The following GPC5 variants were observed in gnomAD, a reference collection of about 807,000 sequenced individuals.
The protein encoded by GPC5 is glypican-5.
In GPC5, 47 loss-of-function variants were observed where a neutral mutation model predicts 53.9. The ratio of observed to expected loss-of-function variants is 0.87; its 90% confidence interval spans 0.69 to 1.11. The LOEUF (loss-of-function observed/expected upper bound fraction) is 1.11, where lower values mean the gene tolerates loss of function less well. Among genes scored for constraint, GPC5 ranks in the 50% most tolerant of loss-of-function variants. The pLI is 0.00. For synonymous variants in GPC5, 286 were observed against 263.3 expected (o/e 1.09, Z -0.84); for missense variants, 748 against 713.1 (o/e 1.05, Z -0.56).
intron 4 of GPC5, among the ~76,000 whole-genome samples, chr13:91,731,019 T>A (rs1213499682): frequency 6.6e-6 from 1 of 152,232 alleles, no homozygotes; most frequent in Non-Finnish European, 1.5e-5. Flanking sequence ...CAGCATTATG[T>A]CCCACAGGAT....
At chr13:92,162,262 C>G (rs1255360822) in intron 7 of GPC5, among the ~76,000 whole-genome samples, 2 of 151,876 alleles carry the variant, frequency 1.3e-5, no homozygotes, top group Non-Finnish European at 2.9e-5. Flanking sequence ...TTGAAATGCC[C>G]CTTATCTCCA....
chr13:92,353,266 C>CAAAAAAAAAAAAAAAAAAA (rs563794696), intron 7 of GPC5, among the ~76,000 whole-genome samples: 1 of 66,952 alleles, frequency 1.5e-5, no homozygotes, highest in Non-Finnish European at 2.9e-5. Context: ...GACTCCGTCT[C>CAAAAAAAAAAAAAAAAAAA]AAAAAAAAAA....
intron 7 of GPC5, among the ~76,000 whole-genome samples, chr13:92,404,842 A>C (rs1433748078): frequency 6.7e-6 from 1 of 149,920 alleles, no homozygotes; most frequent in Non-Finnish European, 1.5e-5. Flanking sequence ...GATCATCTTA[A>C]ATTATTTATT....
At chr13:91,617,658 C>G (rs1048025132) in intron 2 of GPC5, among the ~76,000 whole-genome samples, 1 of 151,924 alleles carries the variant, frequency 6.6e-6, no homozygotes, top group African/African-American at 2.4e-5. Context: ...TTTCTTTTCT[C>G]CCTCCTTCCT....
chr13:92,527,189 GAA>G (rs568856221), intron 7 of GPC5, among the ~76,000 whole-genome samples: 201 of 18,188 alleles, frequency 0.011, 8 homozygotes, highest in Middle Eastern at 0.033. Context: ...AAAGAAGAAA[GAA>G]AGAAAGAAAG....
At chr13:92,310,687 T>C (rs2043139660) in intron 7 of GPC5, among the ~76,000 whole-genome samples, 1 of 152,330 alleles carries the variant, frequency 6.6e-6, no homozygotes, top group African/African-American at 2.4e-5. Flanking sequence ...GTTTTTATTT[T>C]CTCTCATTTT....
At chr13:91,680,524 G>T (rs2035484113) in intron 2 of GPC5, among the ~76,000 whole-genome samples, 1 of 152,294 alleles carries the variant, frequency 6.6e-6, no homozygotes, top group South Asian at 2.1e-4. Context: ...GAACTAACAT[G>T]TCAAGGCATG....
intron 7 of GPC5, among the ~76,000 whole-genome samples, chr13:92,493,432 A>G (rs1004635661): frequency 6.6e-6 from 1 of 152,194 alleles, no homozygotes; most frequent in African/African-American, 2.4e-5. Flanking sequence ...CTTCTTATCT[A>G]CTTCAGTATT....
intron 6 of GPC5, among the ~76,000 whole-genome samples, chr13:92,079,453 C>G (rs544522559): frequency 4.6e-5 from 7 of 152,166 alleles, no homozygotes; most frequent in Non-Finnish European, 1.0e-4. Context: ...AAATTGCTGG[C>G]ATTTCTTTAC....
chr13:91,657,152 A>G (rs1265243901), intron 2 of GPC5, among the ~76,000 whole-genome samples: 2 of 152,194 alleles, frequency 1.3e-5, no homozygotes, highest in Non-Finnish European at 2.9e-5. Flanking sequence ...GGCAGGAGAA[A>G]GAAGATGGCT....
At chr13:92,298,191 C>A (rs780143534) in intron 7 of GPC5, among the ~76,000 whole-genome samples, 1 of 152,146 alleles carries the variant, frequency 6.6e-6, no homozygotes, top group African/African-American at 2.4e-5. Context: ...CCACAGCACC[C>A]AGTCTGTTTC....
chr13:92,458,769 G>T (rs1878372231), intron 7 of GPC5, among the ~76,000 whole-genome samples: 1 of 152,006 alleles, frequency 6.6e-6, no homozygotes, highest in Non-Finnish European at 1.5e-5. Flanking sequence ...TGAATATTTA[G>T]GCAAACTGTC....
At chr13:92,823,339 T>A (rs1041934526) in intron 7 of GPC5, among the ~76,000 whole-genome samples, 1 of 152,128 alleles carries the variant, frequency 6.6e-6, no homozygotes, top group African/African-American at 2.4e-5. Flanking sequence ...ATAAAATGAC[T>A]TGGGAAAATA....
In GPC5 at chr13:92,632,461, C is replaced by CATATAT. The variant is rs1491296731; in HGVS notation, c.1562-233820_1562-233819insTATATA. On this transcript the variant is annotated intron_variant, in intron 7 of 7. Coordinates refer to ENST00000377067, the MANE Select transcript of GPC5 (RefSeq NM_004466.6). ...TATTCTTTTGGAGGAGAAAATATTC[C>CATATAT]ACATATATATATATATATATATATA... Among the ~76,000 whole-genome samples, 391 of 58,056 alleles carry CATATAT rather than the reference C, an allele frequency of 6.7e-3. 12 individuals carry two copies. Among genetic ancestry groups the CATATAT allele is most frequent in the Middle Eastern group, 0.016 (1 of 62 alleles). The allele number at this position is 58,056 out of a possible 152,430, so 38.1% of individuals were successfully genotyped here. A position where few individuals can be genotyped will look rare whatever the true frequency, so the allele number is the denominator to read the frequency against.
intron 7 of GPC5, among the ~76,000 whole-genome samples, chr13:92,303,272 G>A (rs1338109727): frequency 2.6e-5 from 4 of 152,112 alleles, no homozygotes; most frequent in Admixed American, 6.6e-5. Flanking sequence ...CAGAGTCTCC[G>A]TGGTGGTCTA....
intron 7 of GPC5, among the ~76,000 whole-genome samples, chr13:92,472,620 A>C (rs1191021443): frequency 1.3e-5 from 2 of 152,154 alleles, no homozygotes; most frequent in Non-Finnish European, 2.9e-5. Flanking sequence ...CAAATACTTA[A>C]TTCTTTATCT....
chr13:92,533,146 T>C (rs894429475), intron 7 of GPC5, among the ~76,000 whole-genome samples: 3 of 152,164 alleles, frequency 2.0e-5, no homozygotes, highest in Non-Finnish European at 2.9e-5. Flanking sequence ...CAGAATCCAA[T>C]GGGAAAAACA....
intron 7 of GPC5, among the ~76,000 whole-genome samples, chr13:92,675,530 C>T (rs1413137915): frequency 2.0e-5 from 3 of 151,938 alleles, no homozygotes; most frequent in Non-Finnish European, 4.4e-5. Context: ...AATTCCACCA[C>T]AAATTTCCTT....
intron 7 of GPC5, among the ~76,000 whole-genome samples, chr13:92,785,198 C>T (rs1876175067): frequency 6.6e-6 from 1 of 152,142 alleles, no homozygotes; most frequent in African/African-American, 2.4e-5. Context: ...ATCGCTTGAA[C>T]CCGGGAGGCA....
Sources: allele counts gnomAD v4.1 joint callset (sites outside exome capture counted in the v4.1 genomes callset), GRCh38; gene constraint gnomAD v4.1.1; transcripts MANE v1.5; gene names NCBI Gene and HGNC (gene_info 2026-07-23, HGNC 2026-07-21).